The following CNTN4 variants were observed in gnomAD, a reference collection of about 807,000 sequenced individuals.
CNTN4 encodes the protein contactin-4.
CNTN4 carries 77 observed loss-of-function variants against 122.5 expected under a neutral mutation model. The ratio of observed to expected loss-of-function variants is 0.63; its 90% confidence interval spans 0.52 to 0.76. The LOEUF (loss-of-function observed/expected upper bound fraction) is 0.76, where lower values mean the gene tolerates loss of function less well. CNTN4 is among the 30% of genes least tolerant of loss of function. The pLI is 0.00. For missense variants in CNTN4, 1,256 were observed against 1,259.1 expected (o/e 1.00, Z 0.04); for synonymous variants, 512 against 447.0 (o/e 1.15, Z -1.83).
At chr3:2,356,202 G>T (rs2044865420) in intron 3 of CNTN4, among the ~76,000 whole-genome samples, 1 of 152,156 alleles carries the variant, frequency 6.6e-6, no homozygotes. Context: ...ATGAATTCGA[G>T]AAGAGTCCAT....
chr3:2,594,039 T>C (rs1258186986), intron 4 of CNTN4, among the ~76,000 whole-genome samples: 2 of 152,192 alleles, frequency 1.3e-5, no homozygotes, highest in Non-Finnish European at 2.9e-5. Flanking sequence ...TTGACTTATT[T>C]GAGAACAGCA....
intron 2 of CNTN4, among the ~76,000 whole-genome samples, chr3:2,318,902 CAAGTTGGGGATAACCCCACTTGGG>C (rs757574104): frequency 2.3e-4 from 35 of 152,196 alleles, no homozygotes; most frequent in Non-Finnish European, 5.1e-4. Flanking sequence ...CTTGGCCGCC[CAAGTTGGGGATAACCCCACTTGGG>C]ATAATCCCCA....
chr3:2,504,127 G>A (rs993411171), intron 3 of CNTN4, among the ~76,000 whole-genome samples: 8 of 152,100 alleles, frequency 5.3e-5, no homozygotes, highest in African/African-American at 1.7e-4. Flanking sequence ...TTCCTTAATA[G>A]AGAGTGCATT....
intron 4 of CNTN4, among the ~76,000 whole-genome samples, chr3:2,682,460 T>A (rs958780356): frequency 1.1e-4 from 16 of 152,200 alleles, no homozygotes; most frequent in African/African-American, 3.6e-4. Context: ...GCCCAGCATC[T>A]TGTATTTAAT....
chr3:2,462,261 C>T (rs1347410357), intron 3 of CNTN4, among the ~76,000 whole-genome samples: 1 of 152,186 alleles, frequency 6.6e-6, no homozygotes, highest in South Asian at 2.1e-4. Flanking sequence ...TTTATCATGA[C>T]TGCAATTCTG....
intron 7 of CNTN4, among the ~76,000 whole-genome samples, chr3:2,832,113 GC>G (rs2150384511): frequency 6.6e-6 from 1 of 152,278 alleles, no homozygotes; most frequent in South Asian, 2.1e-4. Context: ...CTGCAAGCCA[GC>G]ACTCCTTCTA....
chr3:2,310,531 C>T (rs1345713537), intron 2 of CNTN4, among the ~76,000 whole-genome samples: 4 of 152,102 alleles, frequency 2.6e-5, no homozygotes, highest in East Asian at 3.9e-4. Flanking sequence ...CCCACTTTTT[C>T]ACCTCAGCAC....
intron 3 of CNTN4, among the ~76,000 whole-genome samples, chr3:2,395,088 G>C (rs1394824056): frequency 6.6e-6 from 1 of 152,056 alleles, no homozygotes; most frequent in African/African-American, 2.4e-5. Context: ...CACCCAGCCA[G>C]AATGTTAATA....
At chr3:2,528,697 T>G (rs1172161390) in intron 3 of CNTN4, among the ~76,000 whole-genome samples, 2 of 152,174 alleles carry the variant, frequency 1.3e-5, no homozygotes, top group African/African-American at 2.4e-5. Flanking sequence ...TTTTCAATTC[T>G]CTGGTAGAAT....
chr3:3,009,600 A>AT (rs1310329806), intron 14 of CNTN4, among the ~76,000 whole-genome samples: 2 of 132,004 alleles, frequency 1.5e-5, no homozygotes, highest in East Asian at 2.1e-4. Flanking sequence ...CGCCCGGCTA[A>AT]TTTTTTGTAT....
chr3:2,585,051 C>T (rs1327329931), intron 4 of CNTN4, among the ~76,000 whole-genome samples: 2 of 152,152 alleles, frequency 1.3e-5, no homozygotes, highest in African/African-American at 2.4e-5. Context: ...GAAAATACTA[C>T]ATCACTCACC....
intron 6 of CNTN4, among the ~76,000 whole-genome samples, chr3:2,799,089 C>A (rs1017744352): frequency 6.6e-6 from 1 of 152,108 alleles, no homozygotes; most frequent in Admixed American, 6.6e-5. Context: ...TTCTGATGAT[C>A]AGTGATGTTG....
At chr3:2,758,989 C>T (rs1000924018) in intron 6 of CNTN4, among the ~76,000 whole-genome samples, 1 of 152,142 alleles carries the variant, frequency 6.6e-6, no homozygotes, top group African/African-American at 2.4e-5. Flanking sequence ...TTAACAGTCA[C>T]TTTCTGTTCC....
intron 2 of CNTN4, among the ~76,000 whole-genome samples, chr3:2,211,854 C>G (rs1026796276): frequency 6.6e-6 from 1 of 152,194 alleles, no homozygotes; most frequent in South Asian, 2.1e-4. Context: ...GGCCAACTCT[C>G]TGACATATAC....
chr3:2,866,480 G>A, intron 7 of CNTN4: 1 of 1,289,784 alleles, frequency 7.8e-7, no homozygotes, highest in Non-Finnish European at 9.9e-7. Flanking sequence ...AACTATAAAT[G>A]CTTAGCCCTT....
chr3:2,267,817 G>C (rs2041113034), intron 2 of CNTN4, among the ~76,000 whole-genome samples: 1 of 151,774 alleles, frequency 6.6e-6, no homozygotes, highest in African/African-American at 2.4e-5. Context: ...AAGAGTCACA[G>C]GGAACTTTCT....
intron 3 of CNTN4, among the ~76,000 whole-genome samples, chr3:2,451,841 C>A (rs1012912487): frequency 6.6e-6 from 1 of 152,112 alleles, no homozygotes; most frequent in African/African-American, 2.4e-5. Flanking sequence ...TGTTGAGAGT[C>A]ACTGCATCAA....
Position 2,866,803 on chromosome 3 carries a change from G to A in CNTN4, c.506G>A (p.Arg169His), listed in dbSNP as rs761504879. 13 of 1,613,722 alleles carry A rather than the reference G, an allele frequency of 8.1e-6. No homozygotes were observed. Among genetic ancestry groups the A allele is most frequent in the East Asian group, 2.2e-5 (1 of 44,878 alleles). Residue 169 changes from arginine (R) to histidine (H), a missense_variant, in exon 8 of 25, where the codon CGC becomes CAC. Arg to His is a conservative substitution (Grantham distance 29). Coordinates refer to ENST00000418658, the MANE Select transcript of CNTN4 (RefSeq NM_175607.3). The stretch of plus-strand genomic sequence containing the variant: ...GAATACCCTTCCTATCAGGATAATC[G>A]CCGCTTTGTTTCTCAAGAGACTGGG... ...FNEYPSYQDN[R>H]RFVSQETGNL...
chr3:2,753,500 A>G (rs1397718850), intron 6 of CNTN4, among the ~76,000 whole-genome samples: 1 of 152,242 alleles, frequency 6.6e-6, no homozygotes, highest in East Asian at 1.9e-4. Flanking sequence ...GGTGAAGAAC[A>G]TGAAAATTAA....
Sources: gnomAD v4.1 joint callset for allele counts (sites outside exome capture counted in the v4.1 genomes callset) on GRCh38, gnomAD v4.1.1 for gene constraint, MANE v1.5 for transcripts, NCBI Gene and HGNC (gene_info 2026-07-23, HGNC 2026-07-21) for gene names.